The following ECEL1 variants were observed in gnomAD, a reference collection of about 807,000 sequenced individuals.
ECEL1 encodes endothelin-converting enzyme-like 1.
A neutral mutation model predicts 101.8 loss-of-function variants in ECEL1; 87 were observed. The observed-to-expected ratio is 0.85, with a 90% CI of 0.72 to 1.02. The LOEUF (loss-of-function observed/expected upper bound fraction) is 1.02. Among genes scored for constraint, ECEL1 ranks in the 50% least tolerant of loss-of-function variants. The probability of loss-of-function intolerance (pLI) is 0.00; values close to 1 mark genes in which losing one functional copy is unlikely to be tolerated. For missense variants in ECEL1, 1,032 were observed against 1,079.2 expected, an observed-to-expected ratio of 0.96 and a Z score of 0.61; for synonymous variants, 487 against 468.7, an observed-to-expected ratio of 1.04 and a Z score of -0.50.
rs1559275980 is a variant in ECEL1 at position 232,484,837 on chromosome 2, C to T, written c.1023G>A (p.Lys341=). 6.2e-7 allele frequency: 1 copy of T among 1,614,052 alleles called. No individual in the cohort carries two copies. Among genetic ancestry groups the T allele is most frequent in the Admixed American group, 1.7e-5 (1 of 60,030 alleles). Reference sequence around the variant, plus strand: ...TCTTCTGCAGCTGCCCCAGCGTCACCTTGTTGTACATGGAGCTGACATCTC... The same window carrying T: ...TCTTCTGCAGCTGCCCCAGCGTCACTTTGTTGTACATGGAGCTGACATCTC... ...LRRDVSSMYN[K]VTLGQLQKIT... Residue 341 remains lysine, a synonymous_variant, in exon 5 of 18, where the codon AAG becomes AAA. Coordinates refer to ENST00000304546, the MANE Select transcript of ECEL1 (RefSeq NM_004826.4).
chr2:232,480,489 CG>C lies in ECEL1; in HGVS notation c.2152-15del, dbSNP rs1559272042. The C allele has an allele frequency of 1.9e-6, 3 of 1,613,464 alleles. No individual in the cohort carries two copies. The highest frequency in any genetic ancestry group is 2.5e-6 in the Non-Finnish European group (3 of 1,179,852). On this transcript the variant is annotated splice_polypyrimidine_tract_variant and intron_variant, in intron 16 of 17. Coordinates refer to ENST00000304546, the MANE Select transcript of ECEL1 (RefSeq NM_004826.4). ...GATGCACCAGTTCTGGGTCCAGGAG[CG>C]GGGTGGAGGGGAGGAGGGGGAGATG...
At chr2:232,480,862 C>A in intron 15 of ECEL1, 49 bp from the exon 16 acceptor site, 2 of 1,542,574 alleles carry the variant, frequency 1.3e-6, no homozygotes, top group Non-Finnish European at 1.8e-6. Flanking sequence ...ACCCTGGGCA[C>A]CGCTTCTTCT....
chr2:232,486,250 A>G lies in ECEL1; in HGVS notation c.404T>C (p.Leu135Pro). 6.2e-7 allele frequency: 1 copy of G among 1,600,578 alleles called. No individual in the cohort carries two copies. The highest frequency in any genetic ancestry group is 1.3e-5 in the African/African-American group (1 of 74,272). Reference protein sequence around the residue: ...DFYSFACGGWLRRHAIPDDKL... With the variant: ...DFYSFACGGWPRRHAIPDDKL... ...GTCGTCGGGGATGGCGTGGCGCCGC[A>G]GCCAACCGCCGCAGGCGAACGAGTA... The change falls in exon 2 of 18, where the codon CTG (leucine) becomes CCG (proline). Residue 135 changes from leucine to proline, a missense_variant. Transcript: ENST00000304546.
chr2:232,481,881 C>A (rs1461545776), intron 12 of ECEL1, 32 bp from the exon 13 acceptor site: 2 of 1,612,362 alleles, frequency 1.2e-6, no homozygotes, highest in East Asian at 2.2e-5. Context: ...CAGGCCCTAG[C>A]CCTCCACCCT....
At chr2:232,480,979 A>G in intron 15 of ECEL1, 112 bp downstream of exon 15, 1 of 1,430,724 alleles carries the variant, frequency 7.0e-7, no homozygotes, top group East Asian at 2.5e-5. Context: ...GCCCCACCCC[A>G]GGCCAGAGCT....
Position 232,484,001 on chromosome 2 carries a change from C to T in ECEL1, c.1407G>A (p.Lys469=). The T allele has an allele frequency of 6.2e-7, 1 of 1,600,436 alleles. No individual in the cohort carries two copies. The highest frequency in any genetic ancestry group is 8.5e-7 in the Non-Finnish European group (1 of 1,170,176). ...CCTCTCTCAAACAAGGGCAACCCAC[C>T]TTGGCTTTGCTGGCAGCTGAGAAGT... ...HEHFSAASKA[K]VQQLVEDIKY... The change falls in exon 7 of 18, where the codon AAG becomes AAA. Residue 469 remains lysine, a splice_region_variant and synonymous_variant. Transcript: ENST00000304546.
intron 12 of ECEL1, 71 bp from the exon 13 acceptor site, chr2:232,481,920 C>T (rs1350425841): frequency 1.9e-6 from 3 of 1,596,998 alleles, no homozygotes; most frequent in Non-Finnish European, 1.7e-6. Context: ...TGCCCAGGCC[C>T]CAGATGTCCC....
At chr2:232,481,283 G>C (rs1249735877) in intron 14 of ECEL1, 127 bp from the exon 15 acceptor site, 2 of 1,355,406 alleles carry the variant, frequency 1.5e-6, no homozygotes, top group Admixed American at 2.1e-5. Flanking sequence ...AGAGTTTGAG[G>C]GGGGGCTCCA....
chr2:232,485,082 C>T lies in ECEL1; in HGVS notation c.865G>A (p.Ala289Thr), dbSNP rs772347506. The T allele has an allele frequency of 2.5e-6, 4 of 1,611,594 alleles. No individual in the cohort carries two copies. The Admixed American group carries it at 6.7e-5, about 27-fold the overall frequency. The change falls in exon 4 of 18, where the codon GCA becomes ACA. Residue 289 changes from alanine (A) to threonine (T), a missense_variant. Transcript: ENST00000304546. The part of the protein sequence containing the change: ...QDEDSEKILA[A>T]YRVFMERVLS... ...ACTCGCTCCATGAACACCCTGTATG[C>T]TGCCAGGATCTGCACCAGGGGAGGG... is the stretch of plus-strand genomic sequence containing the variant.
chr2:232,483,698 G>A (rs187393635), intron 7 of ECEL1, among the ~76,000 whole-genome samples, 184 bp from the exon 8 acceptor site: 417 of 152,368 alleles, frequency 2.7e-3, no homozygotes, highest in Non-Finnish European at 4.9e-3. Flanking sequence ...CAAGATAGAG[G>A]AGGAAACTGC....
chr2:232,480,606 G>A lies in ECEL1; in HGVS notation c.2151+112C>T, dbSNP rs572961332. The A allele has an allele frequency of 2.0e-5, 30 of 1,496,034 alleles. No individual in the cohort carries two copies. The African/African-American group carries it at 3.2e-4, about 16-fold the overall frequency. 92.7% of individuals were successfully genotyped at this position (1,496,034 alleles called of 1,614,324 possible). On this transcript the variant is annotated intron_variant, in intron 16 of 17. Transcript: ENST00000304546. ...AGGACCATCACCTCTGACGGGACAG[G>A]TGATGACAGACAGGCTGTCCATGCG...
chr2:232,481,140 G>A lies in ECEL1; in HGVS notation c.2006C>T (p.Thr669Met), dbSNP rs778063568. 2.4e-5 allele frequency: 37 copies of A among 1,568,208 alleles called. No homozygotes were observed. The highest frequency in any genetic ancestry group is 5.9e-5 in the South Asian group (5 of 85,134). Residue 669 changes from threonine to methionine, a missense_variant, in exon 15 of 18, where the codon ACG (threonine) becomes ATG (methionine). Thr to Met is a moderately conservative substitution (Grantham distance 81). Transcript: ENST00000304546. ...VYNQRVNGKH[T>M]LGENIADMGG... Reference sequence around the variant, plus strand: ...CATATCTGCGATGTTCTCCCCAAGCGTGTGTTTCCCGTTCACCTGCCGGGA... The same window carrying A: ...CATATCTGCGATGTTCTCCCCAAGCATGTGTTTCCCGTTCACCTGCCGGGA...
chr2:232,486,823 G>T, intron 1 of ECEL1, 69 bp from the exon 2 acceptor site: 1 of 655,610 alleles, frequency 1.5e-6, no homozygotes, highest in Non-Finnish European at 2.2e-6. Context: ...ACCGCGAGGA[G>T]GGACACAGGC....
At chr2:232,485,411 C>A in intron 2 of ECEL1, 144 bp from the exon 3 acceptor site, 2 of 959,624 alleles carry the variant, frequency 2.1e-6, no homozygotes, top group Non-Finnish European at 3.1e-6. Flanking sequence ...CTCCTCTTTC[C>A]ACCCAGACGA....
intron 13 of ECEL1, 63 bp downstream of exon 13, chr2:232,481,719 C>T: frequency 6.2e-7 from 1 of 1,608,820 alleles, no homozygotes; most frequent in East Asian, 2.2e-5. Flanking sequence ...ATCCCCTACC[C>T]TGCCTCTCCA....
In ECEL1 at chr2:232,486,163, A is replaced by T; in HGVS notation, c.491T>A (p.Leu164Gln). The change falls in exon 2 of 18, where the codon CTG (leucine) becomes CAG (glutamine). Residue 164 changes from leucine to glutamine, a missense_variant. Leu to Gln is a moderately radical substitution (Grantham distance 113). Coordinates refer to ENST00000304546, the MANE Select transcript of ECEL1 (RefSeq NM_004826.4). ...AGGCCCACCCCCGGGCCGCGCCAGC[A>T]GGCGCCGTAGGCGCTCCTCGTTTTG... ...GEQNEERLRR[L>Q]LARPGGGPGG... 6.3e-7 allele frequency: 1 copy of T among 1,576,360 alleles called. No individual in the cohort carries two copies. Among genetic ancestry groups the T allele is most frequent in the East Asian group, 2.3e-5 (1 of 43,526 alleles).
chr2:232,485,234 T>A lies in ECEL1; in HGVS notation c.820A>T (p.Thr274Ser). Residue 274 changes from threonine to serine, a missense_variant, in exon 3 of 18, where the codon ACC becomes TCC. Physicochemically the swap from Thr to Ser is moderately conservative, Grantham distance 58. Transcript: ENST00000304546. ...DQDGLTLPERTLYLAQDEDSE... is the reference protein window; with the variant it reads ...DQDGLTLPERSLYLAQDEDSE... ...TCCTCATCCTGAGCGAGGTACAGGGTCCTCTCTGGCAGGGTGAGCCCATCC... is the reference window on the plus strand; with the variant it reads ...TCCTCATCCTGAGCGAGGTACAGGGACCTCTCTGGCAGGGTGAGCCCATCC... The A allele has an allele frequency of 6.2e-7, 1 of 1,613,416 alleles. No homozygotes were observed. The highest frequency in any genetic ancestry group is 8.5e-7 in the Non-Finnish European group (1 of 1,179,940).
intron 14 of ECEL1, 105 bp from the exon 15 acceptor site, chr2:232,481,261 T>G: frequency 1.4e-6 from 2 of 1,421,158 alleles, no homozygotes; most frequent in Non-Finnish European, 1.9e-6. Context: ...CCCCTCTCCT[T>G]CCCTTGCCCA....
intron 12 of ECEL1, among the ~76,000 whole-genome samples, chr2:232,482,117 G>A (rs1436585631): frequency 6.6e-5 from 10 of 152,242 alleles, no homozygotes; most frequent in African/African-American, 2.4e-5. Context: ...GGAGGGAAAC[G>A]GAGGCACCTA....
Sources: allele counts gnomAD v4.1 joint callset (sites outside exome capture counted in the v4.1 genomes callset), GRCh38; gene constraint gnomAD v4.1.1; transcripts MANE v1.5; gene names NCBI Gene and HGNC (gene_info 2026-07-23, HGNC 2026-07-21).